The following CDH6 variants were observed in gnomAD, a reference collection of about 807,000 sequenced individuals.
CDH6 encodes the protein cadherin-6.
In CDH6, 31 loss-of-function variants were observed where a neutral mutation model predicts 78.0. That is an observed-to-expected ratio of 0.40 (90% confidence interval 0.30 to 0.54). CDH6 has a LOEUF of 0.54. Among genes scored for constraint, CDH6 ranks in the 20% least tolerant of loss-of-function variants. The pLI is 0.56. For synonymous variants in CDH6, 376 were observed against 368.8 expected (o/e 1.02, Z -0.23); for missense variants, 724 against 975.9 (o/e 0.74, Z 3.44).
intron 1 of CDH6, among the ~76,000 whole-genome samples, chr5:31,212,811 A>G (rs141611862): frequency 0.012 from 1,776 of 152,178 alleles, 42 homozygotes; most frequent in African/African-American, 0.041. Flanking sequence ...AATGCCCCAA[A>G]TAAAATAGGA....
chr5:31,322,337 T>TAA (rs34633657), intron 11 of CDH6, among the ~76,000 whole-genome samples: 2 of 143,704 alleles, frequency 1.4e-5, no homozygotes, highest in South Asian at 2.2e-4. Context: ...TTTTCTCAGG[T>TAA]AAAAAAAAAA....
intron 1 of CDH6, among the ~76,000 whole-genome samples, chr5:31,224,456 T>G (rs1465996345): frequency 6.6e-6 from 1 of 152,118 alleles, no homozygotes; most frequent in African/African-American, 2.4e-5. Context: ...AACTTAAACT[T>G]TGAGAGTTTA....
chr5:31,302,450 T>G, intron 6 of CDH6, 152 bp downstream of exon 6: 1 of 602,532 alleles, frequency 1.7e-6, no homozygotes, highest in Non-Finnish European at 2.8e-6. Context: ...TGGCCGGGCA[T>G]GGTGGCTCCC....
At chr5:31,227,953 A>G (rs1280735007) in intron 1 of CDH6, among the ~76,000 whole-genome samples, 1 of 152,238 alleles carries the variant, frequency 6.6e-6, no homozygotes, top group East Asian at 1.9e-4. Flanking sequence ...ACAGATTTAT[A>G]GGTCAGAGGT....
At chr5:31,299,925 C>T (rs1018728657) in intron 5 of CDH6, among the ~76,000 whole-genome samples, 1 of 152,152 alleles carries the variant, frequency 6.6e-6, no homozygotes, top group Non-Finnish European at 1.5e-5. Flanking sequence ...TCATGCAGAA[C>T]ATATGTATAC....
At chr5:31,298,204 T>G (rs980797324) in intron 4 of CDH6, among the ~76,000 whole-genome samples, 1 of 152,240 alleles carries the variant, frequency 6.6e-6, no homozygotes, top group African/African-American at 2.4e-5. Context: ...ATCATTTGTA[T>G]TGTACAGTAA....
At chr5:31,230,277 C>T (rs771262519) in intron 1 of CDH6, among the ~76,000 whole-genome samples, 1 of 152,152 alleles carries the variant, frequency 6.6e-6, no homozygotes, top group Non-Finnish European at 1.5e-5. Flanking sequence ...CATCTCTGTC[C>T]TGTAGATGAC....
At chr5:31,300,186 G>A (rs1026337657) in intron 5 of CDH6, among the ~76,000 whole-genome samples, 1 of 152,136 alleles carries the variant, frequency 6.6e-6, no homozygotes, top group African/African-American at 2.4e-5. Flanking sequence ...TTAGATAAAA[G>A]GAAGAAGAAG....
At chr5:31,209,367 T>C (rs751944141) in intron 1 of CDH6, among the ~76,000 whole-genome samples, 5 of 152,164 alleles carry the variant, frequency 3.3e-5, no homozygotes, top group Non-Finnish European at 5.9e-5. Context: ...AGCCTTCCAA[T>C]CAGTAACCTC....
chr5:31,248,260 A>G (rs558502946), intron 1 of CDH6, among the ~76,000 whole-genome samples: 45 of 152,320 alleles, frequency 3.0e-4, no homozygotes, highest in Admixed American at 5.9e-4. Context: ...TATTGGAAAT[A>G]ACTTTTCTGT....
chr5:31,268,478 T>C (rs146756939), intron 2 of CDH6, among the ~76,000 whole-genome samples: 89 of 152,320 alleles, frequency 5.8e-4, no homozygotes, highest in African/African-American at 2.0e-3. Context: ...GTGAGTTTCG[T>C]TGGAATTTTA....
Position 31,327,576 on chromosome 5 carries a change from T to C in CDH6, c.*4268T>C, listed in dbSNP as rs924830125. On this transcript the variant is annotated 3_prime_UTR_variant, in exon 12 of 12. Transcript: ENST00000265071. ...CACCACAACCTTCCTTATCAGATTA[T>C]AAGAGTAGAAAAATTAACACTTGGT... 1 of 195,430 alleles carries C rather than the reference T, an allele frequency of 5.1e-6. No individual in the cohort carries two copies. The highest frequency in any genetic ancestry group is 1.1e-5 in the Non-Finnish European group (1 of 94,010). 12.1% of individuals were successfully genotyped at this position (195,430 alleles called of 1,614,324 possible).
chr5:31,213,176 T>A (rs1324650235), intron 1 of CDH6, among the ~76,000 whole-genome samples: 1 of 152,204 alleles, frequency 6.6e-6, no homozygotes, highest in Non-Finnish European at 1.5e-5. Context: ...ATAATAGGGA[T>A]GTTATCTGTA....
At chr5:31,206,065 G>T (rs1400834416) in intron 1 of CDH6, among the ~76,000 whole-genome samples, 1 of 152,142 alleles carries the variant, frequency 6.6e-6, no homozygotes, top group Non-Finnish European at 1.5e-5. Flanking sequence ...AACCCACATT[G>T]TTTGAACTGT....
At chr5:31,316,037 C>A (rs1216314334) in intron 8 of CDH6, among the ~76,000 whole-genome samples, 171 bp from the exon 9 acceptor site, 3 of 152,146 alleles carry the variant, frequency 2.0e-5, no homozygotes, top group African/African-American at 4.8e-5. Flanking sequence ...CCAGATGTAC[C>A]AAACAATCTA....
At chr5:31,310,663 G>A (rs1738121862) in intron 7 of CDH6, among the ~76,000 whole-genome samples, 1 of 152,238 alleles carries the variant, frequency 6.6e-6, no homozygotes, top group Non-Finnish European at 1.5e-5. Flanking sequence ...CTGAAATCTA[G>A]GTGGGGGTTC....
At chr5:31,285,866 G>T (rs1360869004) in intron 2 of CDH6, among the ~76,000 whole-genome samples, 1 of 152,156 alleles carries the variant, frequency 6.6e-6, no homozygotes, top group Non-Finnish European at 1.5e-5. Flanking sequence ...TGTTATTAAA[G>T]AAATGCTTTC....
At chr5:31,223,815 A>G (rs994576592) in intron 1 of CDH6, among the ~76,000 whole-genome samples, 4 of 152,194 alleles carry the variant, frequency 2.6e-5, no homozygotes, top group African/African-American at 9.7e-5. Context: ...AAATTCTATA[A>G]AAGAATTTAA....
At chr5:31,210,249 TCA>T (rs1299889057) in intron 1 of CDH6, among the ~76,000 whole-genome samples, 3 of 152,182 alleles carry the variant, frequency 2.0e-5, no homozygotes, top group Admixed American at 6.5e-5. Flanking sequence ...GTGCGGCGAC[TCA>T]CGCCTATAAT....
Sources: allele counts gnomAD v4.1 joint callset (sites outside exome capture counted in the v4.1 genomes callset), GRCh38; gene constraint gnomAD v4.1.1; transcripts MANE v1.5; gene names NCBI Gene and HGNC (gene_info 2026-07-23, HGNC 2026-07-21).